ANO7: variants seen among roughly 807,000 people sequenced by gnomAD.
The protein encoded by ANO7 is anoctamin 7, also known as anoctamin-7.
ANO7 carries 114 observed loss-of-function variants against 115.8 expected under a neutral mutation model. The ratio of observed to expected loss-of-function variants is 0.98; its 90% confidence interval spans 0.85 to 1.15. ANO7 has a LOEUF of 1.15. ANO7 is among the 50% of genes most tolerant of loss of function. The pLI, the probability that ANO7 is intolerant of heterozygous loss-of-function variation, is 0.00. For missense variants in ANO7, 1,302 were observed against 1,201.2 expected, an observed-to-expected ratio of 1.08 and a Z score of -1.24; for synonymous variants, 550 against 498.2, an observed-to-expected ratio of 1.10 and a Z score of -1.38.
rs6760613 is a variant in ANO7, at chr2:241,203,887, G to A, written c.889+389G>A. ...CTCATCTCCTCCAAGCAGGCCATCT[G>A]CCCCAGGCAACCCCAGAGCTGTTCC... is the stretch of plus-strand genomic sequence containing the variant. On this transcript the variant is annotated intron_variant, in intron 9 of 24. Transcript: ENST00000674324. The surrounding 1 kb of genome is among the most constrained non-coding windows in gnomAD (Gnocchi z 4.8). 0.61 allele frequency among the ~76,000 whole-genome samples: 91,926 copies of A among 151,774 alleles called. 31,474 individuals are homozygous for A. The highest frequency in any genetic ancestry group is 0.8 in the Middle Eastern group (235 of 294).
intron 3 of ANO7, among the ~76,000 whole-genome samples, chr2:241,191,906 G>T (rs910304329): frequency 6.6e-6 from 1 of 152,224 alleles, no homozygotes; most frequent in Non-Finnish European, 1.5e-5. Context: ...CAGAGTTCCC[G>T]TAAAAGCCAG....
rs1376370389 is a variant in ANO7 at position 241,207,163 on chromosome 2, CAGG to C, written c.981-410_981-408del. On this transcript the variant is annotated intron_variant, in intron 10 of 24. Transcript: ENST00000674324. ...GCTGACAGGTGGACAGGAGTGCTCC[CAGG>C]CTGACACAGGTGGTCAGGAGTGCTC... Among the ~76,000 whole-genome samples, 41 of 23,092 alleles carry C rather than the reference CAGG, an allele frequency of 1.8e-3. 1 individual carries two copies. Among genetic ancestry groups the C allele is most frequent in the Admixed American group, 7.1e-3 (15 of 2,098 alleles). The allele number at this position is 23,092 out of a possible 152,430, so 15.1% of individuals were successfully genotyped here. A position where few individuals can be genotyped will look rare whatever the true frequency, so the allele number is the denominator to read the frequency against.
chr2:241,204,958 G>T lies in ANO7; in HGVS notation c.980+3G>T, dbSNP rs1316616491. 1.2e-6 allele frequency: 2 copies of T among 1,613,660 alleles called. No homozygotes were observed. Among genetic ancestry groups the T allele is most frequent in the Admixed American group, 1.7e-5 (1 of 59,988 alleles). On this transcript the variant is annotated splice_donor_region_variant and intron_variant, in intron 10 of 24. Coordinates refer to ENST00000674324, the MANE Select transcript of ANO7 (RefSeq NM_001370694.2). Reference sequence around the variant, plus strand: ...CTGGTGTTCTCAGACATACCCACGTGAGTGTTCCCTCTCCGCAGCTCTGGG... The same window carrying T: ...CTGGTGTTCTCAGACATACCCACGTTAGTGTTCCCTCTCCGCAGCTCTGGG...
chr2:241,229,970 AGAAGACAG>A (rs763140336), downstream of ANO7: 6 of 1,591,320 alleles, frequency 3.8e-6, no homozygotes, highest in Non-Finnish European at 5.1e-6. Context: ...AGCTGCAGGC[AGAAGACAG>A]GAAGACAGGG....
At chr2:241,234,737 G>A in the ANO7 span, among the ~76,000 whole-genome samples, 1 of 152,152 alleles carries the variant, frequency 6.6e-6, no homozygotes, top group Non-Finnish European at 1.5e-5. Flanking sequence ...GAAGTCATTC[G>A]CCCTTTGACC....
At chr2:241,239,022 G>C in the ANO7 span, among the ~76,000 whole-genome samples, 7 of 152,300 alleles carry the variant, frequency 4.6e-5, no homozygotes, top group Middle Eastern at 3.4e-3. The surrounding 1 kb of genome is among the most constrained non-coding windows in gnomAD (Gnocchi z 4.6). Flanking sequence ...GCCATCCCTG[G>C]AGGGTGGCCA....
intron 11 of ANO7, among the ~76,000 whole-genome samples, chr2:241,207,904 G>A (rs963435344): frequency 6.6e-6 from 1 of 152,144 alleles, no homozygotes; most frequent in Non-Finnish European, 1.5e-5. Flanking sequence ...CTTCCCACTT[G>A]AGGACACCCC....
At chr2:241,198,672 G>A (rs1311068847) in intron 4 of ANO7, among the ~76,000 whole-genome samples, 3 of 152,238 alleles carry the variant, frequency 2.0e-5, no homozygotes, top group African/African-American at 7.2e-5. Flanking sequence ...ACCCCAGATG[G>A]CTGTGAGGGC....
At chr2:241,216,066 G>C in intron 18 of ANO7, 27 bp from the exon 19 acceptor site, 2 of 1,585,510 alleles carry the variant, frequency 1.3e-6, no homozygotes. Flanking sequence ...TGGATCAAAG[G>C]CCATTTTCCT....
intron 17 of ANO7, among the ~76,000 whole-genome samples, chr2:241,214,034 C>T (rs1179832269): frequency 5.9e-5 from 9 of 152,204 alleles, no homozygotes; most frequent in African/African-American, 2.2e-4. Flanking sequence ...TGCCTGTAAT[C>T]CCAGCACTTT....
At chr2:241,212,004 G>A (rs531536158) in intron 15 of ANO7, 90 bp from the exon 16 acceptor site, 230 of 881,852 alleles carry the variant, frequency 2.6e-4, no homozygotes, top group Middle Eastern at 1.1e-3. Context: ...TTCCTCACCC[G>A]TGTGTGGCAA....
At position 241,223,760 on chromosome 2, in the gene ANO7, G is replaced by GAGTA; in HGVS notation, c.2511_2512insAGTA (p.Gln838SerfsTer6). The GAGTA allele has an allele frequency of 2.5e-6, 4 of 1,614,244 alleles. No homozygotes were observed. The Admixed American group carries it at 6.7e-5, about 27-fold the overall frequency. On this transcript the variant is annotated frameshift_variant, in exon 23 of 25. Coordinates refer to ENST00000674324, the MANE Select transcript of ANO7 (RefSeq NM_001370694.2). LOFTEE classifies it high-confidence loss of function. ...TGAAGCGGGAGTACTACCTGGCTAAGCAGGCACTGGCTGAGAATGAGGTGA... is the reference window on the plus strand; with the variant it reads ...TGAAGCGGGAGTACTACCTGGCTAAGAGTACAGGCACTGGCTGAGAATGAGGTGA...
At chr2:241,236,750 A>T in the ANO7 span, 1 of 1,614,196 alleles carries the variant, frequency 6.2e-7, no homozygotes, top group Non-Finnish European at 8.5e-7. Flanking sequence ...TCTCCTGGAC[A>T]ACTGGCTCTG....
At chr2:241,192,204 A>C (rs2068222829) in intron 3 of ANO7, among the ~76,000 whole-genome samples, 1 of 152,198 alleles carries the variant, frequency 6.6e-6, no homozygotes. Context: ...ACATGCCTGT[A>C]ATTCCAGCTA....
intron 19 of ANO7, 91 bp downstream of exon 19, chr2:241,216,329 C>T (rs1574791617): frequency 7.0e-7 from 1 of 1,428,866 alleles, no homozygotes; most frequent in East Asian, 2.5e-5. Flanking sequence ...CCTGACATTC[C>T]TGTGTCTGCA....
intron 17 of ANO7, among the ~76,000 whole-genome samples, chr2:241,213,652 G>A (rs1326102540): frequency 6.6e-6 from 1 of 152,216 alleles, no homozygotes; most frequent in African/African-American, 2.4e-5. Context: ...AGCTGGGGTC[G>A]CAGGCAGCAG....
chr2:241,229,300 T>C (rs1392783253), downstream of ANO7: 1 of 318,514 alleles, frequency 3.1e-6, no homozygotes, highest in Non-Finnish European at 6.0e-6. Context: ...GCTCTCGTGA[T>C]GAAGGCCAGA....
At position 241,218,261 on chromosome 2, in the gene ANO7, CCG is replaced by C. The variant is rs2068911302; in HGVS notation, c.2202_2203del (p.Asp735LeufsTer46). ...CAGGCCTTCCTCCTGGCCTTCTCGT[CCG>C]ACTTCCTGCCGCGCGCCTACTACCG... On this transcript the variant is annotated frameshift_variant, in exon 21 of 25. Transcript: ENST00000674324. LOFTEE classifies it high-confidence loss of function. 1.8e-5 allele frequency: 28 copies of C among 1,530,802 alleles called. No individual in the cohort carries two copies. Among genetic ancestry groups the C allele is most frequent in the African/African-American group, 1.0e-4 (7 of 69,818 alleles). The allele number at this position is 1,530,802 out of a possible 1,614,324, so 94.8% of individuals were successfully genotyped here. A position where few individuals can be genotyped will look rare whatever the true frequency, so the allele number is the denominator to read the frequency against.
At chr2:241,204,842 G>C (rs772020731) in intron 9 of ANO7, 23 bp from the exon 10 acceptor site, 1 of 1,602,406 alleles carries the variant, frequency 6.2e-7, no homozygotes, top group Non-Finnish European at 8.5e-7. Context: ...CCTGATGGTG[G>C]ACCCCTGCCA....
Sources: allele counts gnomAD v4.1 joint callset (sites outside exome capture counted in the v4.1 genomes callset), GRCh38; gene constraint gnomAD v4.1.1; non-coding constraint Gnocchi (gnomAD v3.1); transcripts MANE v1.5; gene names NCBI Gene and HGNC (gene_info 2026-07-23, HGNC 2026-07-21).